PDE1C: variants seen among roughly 807,000 people sequenced by gnomAD.
The protein encoded by PDE1C is dual specificity calcium/calmodulin-dependent 3',5'-cyclic nucleotide phosphodiesterase 1C.
Under a neutral mutation model 93.1 loss-of-function variants are expected in PDE1C, and 62 were observed. The observed-to-expected ratio is 0.67, with a 90% CI of 0.54 to 0.82. The LOEUF (loss-of-function observed/expected upper bound fraction) is 0.82. Among genes scored for constraint, PDE1C ranks in the 40% least tolerant of loss-of-function variants. The pLI, the probability that PDE1C is intolerant of heterozygous loss-of-function variation, is 0.00. For synonymous variants in PDE1C, 325 were observed against 310.1 expected (o/e 1.05, Z -0.50); for missense variants, 742 against 884.6 (o/e 0.84, Z 2.04).
intron 2 of PDE1C, among the ~76,000 whole-genome samples, chr7:32,002,707 GCA>G (rs1449931748): frequency 6.6e-6 from 1 of 152,038 alleles, no homozygotes; most frequent in African/African-American, 2.4e-5. Context: ...ATGAAATTTT[GCA>G]CAGATTTCTA....
At chr7:32,323,560 C>T in intron 1 of PDE1C, among the ~76,000 whole-genome samples, 1 of 152,160 alleles carries the variant, frequency 6.6e-6, no homozygotes, top group East Asian at 1.9e-4. Flanking sequence ...CAGAAGGCTG[C>T]AGCAGTCAGG....
intron 3 of PDE1C, among the ~76,000 whole-genome samples, chr7:32,119,999 C>T (rs1799205584): frequency 6.6e-6 from 1 of 152,184 alleles, no homozygotes; most frequent in Non-Finnish European, 1.5e-5. Context: ...TTCCCTGGGT[C>T]GGGGAAGGGC....
chr7:32,293,228 A>C (rs1052916509), intron 1 of PDE1C, among the ~76,000 whole-genome samples: 3 of 152,188 alleles, frequency 2.0e-5, no homozygotes, highest in Admixed American at 6.5e-5. Flanking sequence ...CAGAGAAGAA[A>C]ATTGAGGCTG....
chr7:32,045,800 G>C (rs922476728), intron 2 of PDE1C, among the ~76,000 whole-genome samples: 1 of 152,136 alleles, frequency 6.6e-6, no homozygotes, highest in Non-Finnish European at 1.5e-5. Context: ...CCCATCCTAG[G>C]ATACAACTGC....
intron 2 of PDE1C, among the ~76,000 whole-genome samples, chr7:31,892,658 C>T (rs978794211): frequency 1.3e-5 from 2 of 151,576 alleles, no homozygotes; most frequent in African/African-American, 4.9e-5. Flanking sequence ...ATTCTATGTT[C>T]TGCTTCTAAA....
At chr7:31,646,313 G>A in the PDE1C span, among the ~76,000 whole-genome samples, 1 of 152,266 alleles carries the variant, frequency 6.6e-6, no homozygotes. Flanking sequence ...AGTCTGTGAG[G>A]TACTAGGGGT....
chr7:32,261,325 A>G (rs2128880632), intron 1 of PDE1C, among the ~76,000 whole-genome samples: 1 of 152,158 alleles, frequency 6.6e-6, no homozygotes, highest in African/African-American at 2.4e-5. Context: ...ACCTACAGGA[A>G]CAGAAAACAG....
At chr7:31,825,721 C>T (rs549904612) in intron 12 of PDE1C, among the ~76,000 whole-genome samples, 33 of 152,036 alleles carry the variant, frequency 2.2e-4, no homozygotes, top group South Asian at 8.3e-4. Context: ...GGAACCAGTG[C>T]CACTATAAAG....
intron 2 of PDE1C, among the ~76,000 whole-genome samples, chr7:31,975,672 T>C (rs1044109097): frequency 3.9e-5 from 6 of 152,196 alleles, no homozygotes; most frequent in Non-Finnish European, 7.3e-5. Flanking sequence ...TATATGACTA[T>C]ACAAGTCGCC....
At chr7:31,655,256 C>T in the PDE1C span, among the ~76,000 whole-genome samples, 1 of 152,204 alleles carries the variant, frequency 6.6e-6, no homozygotes, top group African/African-American at 2.4e-5. Flanking sequence ...GCTGCAGGCT[C>T]AGTGCCACAG....
chr7:32,202,282 C>T (rs1259798816), intron 2 of PDE1C, among the ~76,000 whole-genome samples: 1 of 152,182 alleles, frequency 6.6e-6, no homozygotes, highest in East Asian at 1.9e-4. Flanking sequence ...CTATCAAGCA[C>T]ATTCAAAAAG....
chr7:32,210,159 T>A (rs1291107491), intron 1 of PDE1C, among the ~76,000 whole-genome samples: 1 of 152,242 alleles, frequency 6.6e-6, no homozygotes, highest in African/African-American at 2.4e-5. Context: ...CCATATAACT[T>A]ATCATTGGAT....
chr7:32,179,991 A>G lies in PDE1C; in HGVS notation c.137-10035T>C, dbSNP rs534185179. 5.3e-5 allele frequency among the ~76,000 whole-genome samples: 8 copies of G among 152,334 alleles called. No individual in the cohort carries two copies. The East Asian group carries it at 1.5e-3, about 29-fold the overall frequency. On this transcript the variant is annotated intron_variant, in intron 2 of 18. Coordinates refer to the PDE1C transcript ENST00000396193. ...GTTGTAGCCTTCCTCTCCTTTGGAGAAATAAAACTCCTAAAATTCTCAGTG... is the reference window on the plus strand; with the variant it reads ...GTTGTAGCCTTCCTCTCCTTTGGAGGAATAAAACTCCTAAAATTCTCAGTG...
At chr7:32,057,067 G>C (rs950696775) in intron 1 of PDE1C, among the ~76,000 whole-genome samples, 1 of 152,202 alleles carries the variant, frequency 6.6e-6, no homozygotes, top group African/African-American at 2.4e-5. Flanking sequence ...CAAAAGGCAG[G>C]AGAAAAGAAA....
chr7:32,245,816 G>T (rs1477349053), intron 1 of PDE1C, among the ~76,000 whole-genome samples: 2 of 152,084 alleles, frequency 1.3e-5, no homozygotes, highest in African/African-American at 4.8e-5. Context: ...ATGGTGGAAG[G>T]GACTAGCAAG....
chr7:32,202,816 T>A (rs1374059272), intron 2 of PDE1C, among the ~76,000 whole-genome samples: 1 of 152,126 alleles, frequency 6.6e-6, no homozygotes, highest in East Asian at 1.9e-4. Flanking sequence ...GCGTGGTTGA[T>A]TGATTGGTTG....
At chr7:32,164,171 T>C (rs1802081054) in intron 3 of PDE1C, among the ~76,000 whole-genome samples, 1 of 152,212 alleles carries the variant, frequency 6.6e-6, no homozygotes. Context: ...ACCCCAGACC[T>C]ACTGAATCAG....
chr7:32,274,790 T>C (rs1283628750), intron 1 of PDE1C, among the ~76,000 whole-genome samples: 2 of 152,206 alleles, frequency 1.3e-5, no homozygotes, highest in African/African-American at 4.8e-5. Flanking sequence ...AGGAGAAGCT[T>C]TATTCCAAGA....
chr7:32,023,482 T>C (rs1158159604), intron 2 of PDE1C, among the ~76,000 whole-genome samples: 1 of 152,096 alleles, frequency 6.6e-6, no homozygotes, highest in African/African-American at 2.4e-5. Context: ...TGTACACAAA[T>C]GTTCATAGCA....
Sources: allele counts gnomAD v4.1 joint callset (sites outside exome capture counted in the v4.1 genomes callset), GRCh38; gene constraint gnomAD v4.1.1; transcripts MANE v1.5; gene names NCBI Gene and HGNC (gene_info 2026-07-23, HGNC 2026-07-21).